The following CNTLN variants were observed in gnomAD, a reference collection of about 807,000 sequenced individuals.
CNTLN encodes centlein, centrosomal protein.
In CNTLN, 212 loss-of-function variants were observed where a neutral mutation model predicts 180.0. The ratio of observed to expected loss-of-function variants is 1.18; its 90% CI spans 1.05 to 1.32. The LOEUF (loss-of-function observed/expected upper bound fraction) is 1.32, where lower values mean the gene tolerates loss of function less well. CNTLN is among the 40% of genes most tolerant of loss of function. The probability of loss-of-function intolerance (pLI) is 0.00; values close to 1 mark genes in which losing one functional copy is unlikely to be tolerated. For missense variants in CNTLN, 2,095 were observed against 1,610.9 expected (o/e 1.30, Z -5.14); for synonymous variants, 722 against 563.1 (o/e 1.28, Z -3.99).
chr9:17,480,332 A>G (rs1447833624), intron 23 of CNTLN, among the ~76,000 whole-genome samples: 1 of 144,388 alleles, frequency 6.9e-6, no homozygotes, highest in African/African-American at 2.6e-5. Context: ...AGATATAGCA[A>G]TATTATTCCA....
chr9:17,496,831 C>T (rs1205119994), intron 25 of CNTLN, among the ~76,000 whole-genome samples: 2 of 152,148 alleles, frequency 1.3e-5, no homozygotes, highest in Non-Finnish European at 2.9e-5. Context: ...AAGGAATGGA[C>T]ATATCCCCTT....
chr9:17,340,973 A>G, intron 11 of CNTLN, 25 bp downstream of exon 11: 2 of 1,585,244 alleles, frequency 1.3e-6, no homozygotes, highest in Non-Finnish European at 8.6e-7. Context: ...TCATAAAGGC[A>G]TTTCCCTAAA....
intron 8 of CNTLN, among the ~76,000 whole-genome samples, chr9:17,329,040 G>A (rs1178460164): frequency 6.6e-6 from 1 of 151,960 alleles, no homozygotes; most frequent in Non-Finnish European, 1.5e-5. Flanking sequence ...CCTAGCTATA[G>A]CATTATAATC....
intron 15 of CNTLN, 95 bp from the exon 16 acceptor site, chr9:17,409,198 A>G (rs769292765): frequency 4.7e-5 from 55 of 1,168,634 alleles, no homozygotes; most frequent in Non-Finnish European, 6.4e-5. Context: ...TTTATATACA[A>G]TCTATGCTAA....
At chr9:17,169,033 T>A (rs557218068) in intron 2 of CNTLN, among the ~76,000 whole-genome samples, 1 of 152,322 alleles carries the variant, frequency 6.6e-6, no homozygotes, top group East Asian at 1.9e-4. Context: ...CATCTTGCTT[T>A]GTCACCCAGG....
At chr9:17,182,102 T>G (rs2131734361) in intron 2 of CNTLN, among the ~76,000 whole-genome samples, 1 of 152,180 alleles carries the variant, frequency 6.6e-6, no homozygotes, top group African/African-American at 2.4e-5. Flanking sequence ...TATATAGACT[T>G]GCAAAGATTG....
intron 2 of CNTLN, among the ~76,000 whole-genome samples, chr9:17,153,676 A>G (rs780752053): frequency 9.2e-5 from 14 of 151,990 alleles, no homozygotes; most frequent in African/African-American, 2.4e-4. Context: ...CATTCTCTCT[A>G]TTTCCTGAAT....
At position 17,373,840 on chromosome 9, in the gene CNTLN, A is replaced by C. The variant is rs185898375; in HGVS notation, c.1987+7123A>C. On this transcript the variant is annotated intron_variant, in intron 13 of 25. Transcript: ENST00000380647. ...ACCTCCATATAAACTAATTGTTGAC[A>C]GCGTTGCCAAGACATACATTGGGAA... Among the ~76,000 whole-genome samples, 27 of 152,316 alleles carry C rather than the reference A, an allele frequency of 1.8e-4. No homozygotes were observed. The East Asian group carries it at 3.1e-3, about 17-fold the overall frequency.
intron 6 of CNTLN, among the ~76,000 whole-genome samples, chr9:17,274,724 A>G (rs1227314936): frequency 6.6e-6 from 1 of 152,126 alleles, no homozygotes; most frequent in Non-Finnish European, 1.5e-5. Context: ...ATTCTGGTAC[A>G]CATTGGGTGG....
At chr9:17,253,297 T>C (rs1826268826) in intron 5 of CNTLN, among the ~76,000 whole-genome samples, 1 of 151,854 alleles carries the variant, frequency 6.6e-6, no homozygotes, top group South Asian at 2.1e-4. Flanking sequence ...TTTTTCTATT[T>C]CTGTGAAAAA....
chr9:17,357,678 G>A (rs931378669), intron 12 of CNTLN, among the ~76,000 whole-genome samples: 2 of 149,500 alleles, frequency 1.3e-5, no homozygotes, highest in Non-Finnish European at 3.0e-5. Context: ...AATCTTGAGT[G>A]TTATAATCAT....
At chr9:17,465,559 A>T (rs906599465) in intron 21 of CNTLN, among the ~76,000 whole-genome samples, 4 of 149,022 alleles carry the variant, frequency 2.7e-5, no homozygotes, top group African/African-American at 7.3e-5. Flanking sequence ...TATATATATA[A>T]AATATCCTAT....
At chr9:17,477,031 A>C (rs558978004) in intron 23 of CNTLN, among the ~76,000 whole-genome samples, 1 of 152,146 alleles carries the variant, frequency 6.6e-6, no homozygotes, top group African/African-American at 2.4e-5. Flanking sequence ...GCCGATGCTC[A>C]TTTCACATTC....
the CNTLN span, among the ~76,000 whole-genome samples, chr9:17,509,532 C>CA: frequency 6.6e-6 from 1 of 152,162 alleles, no homozygotes; most frequent in Non-Finnish European, 1.5e-5. Flanking sequence ...TCATGTTCGT[C>CA]ACCATCCTAA....
intron 10 of CNTLN, among the ~76,000 whole-genome samples, chr9:17,333,996 G>C (rs570641723): frequency 3.9e-5 from 6 of 152,226 alleles, no homozygotes; most frequent in Middle Eastern, 3.4e-3. Context: ...TAAATGTGTG[G>C]TTAGGCACAG....
chr9:17,519,869 C>T, the CNTLN span, among the ~76,000 whole-genome samples: 1 of 152,144 alleles, frequency 6.6e-6, no homozygotes, highest in Non-Finnish European at 1.5e-5. Flanking sequence ...CAAATATTAA[C>T]AAACAGGACA....
chr9:17,145,540 T>G (rs1387689505), intron 2 of CNTLN, among the ~76,000 whole-genome samples: 1 of 152,238 alleles, frequency 6.6e-6, no homozygotes, highest in Non-Finnish European at 1.5e-5. Context: ...AACCGTGGAC[T>G]TCCTGGACAG....
At chr9:17,365,631 A>T (rs1286557844) in intron 12 of CNTLN, among the ~76,000 whole-genome samples, 1 of 152,134 alleles carries the variant, frequency 6.6e-6, no homozygotes, top group Non-Finnish European at 1.5e-5. Flanking sequence ...AACATTTTTC[A>T]TTACTATTTT....
downstream of CNTLN, among the ~76,000 whole-genome samples, chr9:17,504,138 C>T (rs973354962): frequency 6.6e-6 from 1 of 151,910 alleles, no homozygotes; most frequent in Non-Finnish European, 1.5e-5. Flanking sequence ...CATGTCAAAA[C>T]AGGAAAAGAA....
Sources: allele counts gnomAD v4.1 joint callset (sites outside exome capture counted in the v4.1 genomes callset), GRCh38; gene constraint gnomAD v4.1.1; transcripts MANE v1.5; gene names NCBI Gene and HGNC (gene_info 2026-07-23, HGNC 2026-07-21).